The following LDLRAD4 variants were observed in gnomAD, a reference collection of about 807,000 sequenced individuals.
LDLRAD4 encodes the protein low-density lipoprotein receptor class A domain-containing protein 4.
A neutral mutation model predicts 17.0 loss-of-function variants in LDLRAD4; 5 were observed. The ratio of observed to expected loss-of-function variants is 0.29; its 90% CI spans 0.15 to 0.62. The LOEUF (loss-of-function observed/expected upper bound fraction) is 0.62. LDLRAD4 is among the 20% of genes least tolerant of loss of function. The pLI is 0.84. For missense variants in LDLRAD4, 340 were observed against 424.7 expected (o/e 0.80, Z 1.75); for synonymous variants, 168 against 171.8 (o/e 0.98, Z 0.17).
chr18:13,263,662 G>A (rs1410275607), intron 1 of LDLRAD4, among the ~76,000 whole-genome samples: 1 of 152,212 alleles, frequency 6.6e-6, no homozygotes. Flanking sequence ...TCGATAAAAG[G>A]AAGATGTTGG....
At chr18:13,416,247 A>G (rs1027408584) in intron 2 of LDLRAD4, among the ~76,000 whole-genome samples, 1 of 152,190 alleles carries the variant, frequency 6.6e-6, no homozygotes, top group South Asian at 2.1e-4. Flanking sequence ...TTAAATGCGA[A>G]TGCCCACGAT....
intron 3 of LDLRAD4, among the ~76,000 whole-genome samples, chr18:13,539,373 T>G (rs982443770): frequency 6.6e-6 from 1 of 152,216 alleles, no homozygotes; most frequent in African/African-American, 2.4e-5. Flanking sequence ...TTTCCTTTTG[T>G]TATATTTGCA....
At chr18:13,378,108 C>G (rs1019121305) in intron 1 of LDLRAD4, among the ~76,000 whole-genome samples, 3 of 152,146 alleles carry the variant, frequency 2.0e-5, no homozygotes, top group Non-Finnish European at 4.4e-5. Context: ...GCTTTGTGAA[C>G]GCAGGCGACT....
chr18:13,391,179 C>T (rs2086248376), intron 2 of LDLRAD4, among the ~76,000 whole-genome samples: 1 of 152,282 alleles, frequency 6.6e-6, no homozygotes, highest in South Asian at 2.1e-4. Context: ...TGTTTTAGGG[C>T]CAGGCAAACA....
At chr18:13,443,314 C>A (rs1364557642) in intron 3 of LDLRAD4, among the ~76,000 whole-genome samples, 1 of 152,166 alleles carries the variant, frequency 6.6e-6, no homozygotes, top group African/African-American at 2.4e-5. Flanking sequence ...GCCCTCCTTC[C>A]CTTAAGGCAG....
At chr18:13,400,988 AC>A (rs759494012) in intron 2 of LDLRAD4, among the ~76,000 whole-genome samples, 37 of 152,322 alleles carry the variant, frequency 2.4e-4, no homozygotes, top group Middle Eastern at 6.8e-3. Context: ...GCCATTTCAG[AC>A]AGCATTCAGG....
At chr18:13,557,629 T>C (rs2094497820) in intron 3 of LDLRAD4, among the ~76,000 whole-genome samples, 1 of 152,240 alleles carries the variant, frequency 6.6e-6, no homozygotes, top group Non-Finnish European at 1.5e-5. Context: ...CTCGATCTCC[T>C]GACCTCATGA....
chr18:13,351,422 G>A (rs2144398538), intron 1 of LDLRAD4, among the ~76,000 whole-genome samples: 1 of 152,154 alleles, frequency 6.6e-6, no homozygotes, highest in Non-Finnish European at 1.5e-5. Context: ...TGATTTGTCT[G>A]TCTGCTTGTC....
At chr18:13,534,798 C>G (rs1214490582) in intron 3 of LDLRAD4, among the ~76,000 whole-genome samples, 2 of 152,198 alleles carry the variant, frequency 1.3e-5, no homozygotes, top group South Asian at 2.1e-4. Context: ...ACAGTCTTAT[C>G]TCCCTGAAAA....
chr18:13,455,153 C>T (rs957372571), intron 3 of LDLRAD4, among the ~76,000 whole-genome samples: 2 of 152,108 alleles, frequency 1.3e-5, no homozygotes, highest in Admixed American at 6.5e-5. Context: ...GGCACCAGGA[C>T]CAGGGATGTT....
chr18:13,292,532 G>C (rs527796033), intron 1 of LDLRAD4, among the ~76,000 whole-genome samples: 1 of 152,366 alleles, frequency 6.6e-6, no homozygotes, highest in Admixed American at 6.5e-5. Context: ...TTTGAGAAAG[G>C]AGAGAGGATG....
chr18:13,452,361 C>T (rs1008903671), intron 3 of LDLRAD4, among the ~76,000 whole-genome samples: 2 of 151,836 alleles, frequency 1.3e-5, no homozygotes, highest in Non-Finnish European at 2.9e-5. Context: ...GACTGGGTGC[C>T]GTGGAGGGGG....
chr18:13,641,446 C>G (rs1340554299), intron 4 of LDLRAD4, among the ~76,000 whole-genome samples: 2 of 152,212 alleles, frequency 1.3e-5, no homozygotes, highest in Non-Finnish European at 2.9e-5. Flanking sequence ...TAGAGAGAAA[C>G]AGATTAGACA....
At chr18:13,293,612 A>G (rs986975616) in intron 1 of LDLRAD4, among the ~76,000 whole-genome samples, 2 of 152,216 alleles carry the variant, frequency 1.3e-5, no homozygotes, top group African/African-American at 4.8e-5. Flanking sequence ...GAGAAGGGTT[A>G]TCTCTGGTGC....
intron 1 of LDLRAD4, among the ~76,000 whole-genome samples, chr18:13,230,047 G>C (rs572813945): frequency 6.6e-6 from 1 of 152,174 alleles, no homozygotes; most frequent in Admixed American, 6.5e-5. Flanking sequence ...AGTATTGAGC[G>C]ATGGGGCTTC....
At chr18:13,560,740 G>A (rs952651158) in intron 3 of LDLRAD4, among the ~76,000 whole-genome samples, 4 of 152,282 alleles carry the variant, frequency 2.6e-5, no homozygotes, top group Admixed American at 1.3e-4. Flanking sequence ...TTTTTAAGTT[G>A]AGAATAATAA....
At position 13,621,008 on chromosome 18, in the gene LDLRAD4, C is replaced by T. The variant is rs116609760; in HGVS notation, c.182-109C>T. ...GTCCTGCTGGCCTCTGAGGAACAGA[C>T]GTGTGTGAGAGGCCTTCAGGGCCTG... On this transcript the variant is annotated intron_variant, in intron 3 of 5. Coordinates refer to ENST00000359446, the Ensembl canonical transcript of LDLRAD4. The surrounding 1 kb of genome is among the most constrained non-coding windows in gnomAD (Gnocchi z 5.5). The T allele has an allele frequency of 6.5e-4, 944 of 1,455,654 alleles. No individual in the cohort carries two copies. The highest frequency in any genetic ancestry group is 4.2e-3 in the African/African-American group (302 of 72,200). The allele number at this position is 1,455,654 out of a possible 1,614,324, so 90.2% of individuals were successfully genotyped here. A position where few individuals can be genotyped will look rare whatever the true frequency, so the allele number is the denominator to read the frequency against.
chr18:13,594,741 A>G (rs1030359505), intron 3 of LDLRAD4, among the ~76,000 whole-genome samples: 2 of 151,552 alleles, frequency 1.3e-5, no homozygotes, highest in African/African-American at 4.8e-5. Flanking sequence ...AATCATAGTC[A>G]TACTAGAATG....
Position 13,367,482 on chromosome 18 carries a change from T to A in LDLRAD4, c.-382-19859T>A, listed in dbSNP as rs2081980349. On this transcript the variant is annotated intron_variant, in intron 1 of 5. Transcript: ENST00000359446. This position sits in a 1 kb window ranked among gnomAD's most constrained non-coding sequence, Gnocchi z 4.1. ...CAGGTTTTGGAGGTGCACTGTATGC[T>A]CAGGAAGGATTCAGTGCACACCAGG... Among the ~76,000 whole-genome samples the A allele has an allele frequency of 6.6e-6, 1 of 152,032 alleles. No homozygotes were observed. Among genetic ancestry groups the A allele is most frequent in the Non-Finnish European group, 1.5e-5 (1 of 68,002 alleles).
Sources: allele counts gnomAD v4.1 joint callset (sites outside exome capture counted in the v4.1 genomes callset), GRCh38; gene constraint gnomAD v4.1.1; non-coding constraint Gnocchi (gnomAD v3.1); transcripts MANE v1.5; gene names NCBI Gene and HGNC (gene_info 2026-07-23, HGNC 2026-07-21).